Variants in CDC40 observed in about 807,000 individuals in gnomAD.
CDC40 encodes cell division cycle 40.
CDC40 carries 27 observed loss-of-function variants against 80.6 expected under a neutral mutation model. The observed-to-expected ratio is 0.33, with a 90% confidence interval of 0.25 to 0.46. The LOEUF (loss-of-function observed/expected upper bound fraction) is 0.46, where lower values mean the gene tolerates loss of function less well. Ranked by LOEUF, CDC40 falls within the 20% of genes least tolerant of loss-of-function variation. CDC40 has a pLI of 1.00. For missense variants in CDC40, 486 were observed against 694.1 expected (o/e 0.70, Z 3.37); for synonymous variants, 221 against 232.6 (o/e 0.95, Z 0.45).
intron 10 of CDC40, among the ~76,000 whole-genome samples, chr6:110,218,319 T>C (rs1419794349): frequency 6.6e-6 from 1 of 152,240 alleles, no homozygotes; most frequent in Non-Finnish European, 1.5e-5. Flanking sequence ...ACTATCTTAT[T>C]GTCTTACTGT....
chr6:110,202,855 CTAAAA>C (rs1398180290), intron 3 of CDC40, among the ~76,000 whole-genome samples: 2 of 142,504 alleles, frequency 1.4e-5, no homozygotes, highest in Admixed American at 7.1e-5. Flanking sequence ...ATTAGGCAGC[CTAAAA>C]TAAAATAAAG....
rs1265913569 is a variant in CDC40, at chr6:110,231,871, AT to A, written c.*1746del. On this transcript the variant is annotated 3_prime_UTR_variant, in exon 15 of 15. Coordinates refer to ENST00000307731, the MANE Select transcript of CDC40 (RefSeq NM_015891.3). Reference sequence around the variant, plus strand: ...AGAAAAAGAATAAAAGCGGAGATATATTTTTTGACACAGAGGCACCCAAAGA... The same window carrying A: ...AGAAAAAGAATAAAAGCGGAGATATATTTTTGACACAGAGGCACCCAAAGA... 9 of 145,906 alleles carry A rather than the reference AT, an allele frequency of 6.2e-5. No homozygotes were observed. Among genetic ancestry groups the A allele is most frequent in the African/African-American group, 2.3e-4 (9 of 38,822 alleles). 9.0% of individuals were successfully genotyped at this position (145,906 alleles called of 1,614,324 possible).
chr6:110,190,294 G>C (rs1777329011), intron 1 of CDC40, among the ~76,000 whole-genome samples: 1 of 152,192 alleles, frequency 6.6e-6, no homozygotes, highest in Admixed American at 6.5e-5. Context: ...CTACAGCACA[G>C]AAAGCATCAA....
intron 9 of CDC40, among the ~76,000 whole-genome samples, chr6:110,216,393 A>G (rs1289027442): frequency 6.6e-6 from 1 of 152,238 alleles, no homozygotes; most frequent in African/African-American, 2.4e-5. Context: ...GCCTCCCTGC[A>G]CAAATTAATA....
chr6:110,225,278 C>CA lies in CDC40; in HGVS notation c.1341-881dup, dbSNP rs199891255. Among the ~76,000 whole-genome samples the CA allele has an allele frequency of 9.7e-3, 1,465 of 151,622 alleles. 24 individuals carry two copies. The highest frequency in any genetic ancestry group is 0.034 in the African/African-American group (1,405 of 41,398). On this transcript the variant is annotated intron_variant, in intron 12 of 14. Transcript: ENST00000307731. ...ATAATCTGTGTTATTCATCAGATTA[C>CA]AAAAAAAATATTTCTGGTCTCATGA... is the stretch of plus-strand genomic sequence containing the variant.
At chr6:110,209,254 AG>A in intron 5 of CDC40, 31 bp downstream of exon 5, 3 of 1,586,338 alleles carry the variant, frequency 1.9e-6, no homozygotes, top group Middle Eastern at 1.7e-4. Context: ...TTGTCAATTC[AG>A]GTATACGCTG....
intron 2 of CDC40, among the ~76,000 whole-genome samples, chr6:110,194,127 A>G (rs1462402650): frequency 6.6e-6 from 1 of 152,202 alleles, no homozygotes; most frequent in Non-Finnish European, 1.5e-5. Context: ...AAAGTCTTTG[A>G]ATATTATCCA....
chr6:110,223,037 G>A (rs1275552205), intron 12 of CDC40, among the ~76,000 whole-genome samples: 2 of 152,178 alleles, frequency 1.3e-5, no homozygotes, highest in Non-Finnish European at 2.9e-5. Flanking sequence ...TACAGGACAC[G>A]AAAGGGCCAG....
At chr6:110,208,801 C>T (rs1777595684) in intron 4 of CDC40, among the ~76,000 whole-genome samples, 1 of 152,108 alleles carries the variant, frequency 6.6e-6, no homozygotes, top group African/African-American at 2.4e-5. Context: ...TGTAGGAGTA[C>T]ATATTTGGGT....
At chr6:110,211,310 C>A (rs903165158) in intron 6 of CDC40, 1 of 152,080 alleles carries the variant, frequency 6.6e-6, no homozygotes, top group Non-Finnish European at 1.5e-5. Flanking sequence ...CAAAACAAAT[C>A]GTAAGTATTC....
chr6:110,198,542 T>G (rs568918569), intron 2 of CDC40, among the ~76,000 whole-genome samples: 7 of 152,320 alleles, frequency 4.6e-5, no homozygotes, highest in African/African-American at 1.7e-4. Context: ...CAATTTTTAA[T>G]TGAGTTATTT....
chr6:110,207,700 T>A (rs993163348), intron 4 of CDC40, 111 bp downstream of exon 4: 15 of 634,814 alleles, frequency 2.4e-5, no homozygotes, highest in East Asian at 1.1e-4. Flanking sequence ...CTTTTTTTTT[T>A]AAAGTTGAAA....
At chr6:110,219,700 C>T (rs368255938) in intron 11 of CDC40, 36 bp from the exon 12 acceptor site, 42 of 1,607,422 alleles carry the variant, frequency 2.6e-5, no homozygotes, top group Non-Finnish European at 3.5e-5. Context: ...ATCCACTCTA[C>T]TTCTGTCTTT....
intron 8 of CDC40, 133 bp downstream of exon 8, chr6:110,213,293 C>A: frequency 1.6e-6 from 1 of 626,418 alleles, no homozygotes. Flanking sequence ...CCTGTAAATG[C>A]AGCAATTTAT....
chr6:110,214,680 A>G (rs1172093758), intron 8 of CDC40, among the ~76,000 whole-genome samples: 3 of 152,220 alleles, frequency 2.0e-5, no homozygotes, highest in Non-Finnish European at 4.4e-5. Context: ...ATTTTAGAGT[A>G]CTAGCAACAT....
Position 110,227,697 on chromosome 6 carries a change from CA to C in CDC40, c.1418-1133del, listed in dbSNP as rs551681878. 5.0e-3 allele frequency among the ~76,000 whole-genome samples: 767 copies of C among 152,262 alleles called. 11 individuals carry two copies. The highest frequency in any genetic ancestry group is 0.018 in the African/African-American group (746 of 41,564). The stretch of plus-strand genomic sequence containing the variant: ...TAAACAATAAAAAATAACAATACAA[CA>C]ATTAAAAACAACACAGCATAACAAC... On this transcript the variant is annotated intron_variant, in intron 13 of 14. Transcript: ENST00000307731.
At position 110,230,095 on chromosome 6, in the gene CDC40, A is replaced by G; in HGVS notation, c.1704A>G (p.Thr568=). 1 of 1,612,682 alleles carries G rather than the reference A, an allele frequency of 6.2e-7. No homozygotes were observed. Residue 568 remains threonine, a synonymous_variant, in exon 15 of 15, where the codon ACA becomes ACG. Coordinates refer to ENST00000307731, the MANE Select transcript of CDC40 (RefSeq NM_015891.3). The part of the protein sequence containing the change: ...WHPHETSKVI[T]CGWDGLIKLW... ...CTCATGAAACTTCTAAGGTCATAAC[A>G]TGTGGTTGGGATGGTCTCATTAAAT...
rs144761014 is a variant in CDC40, at chr6:110,229,127, G to T, written c.1562+151G>T. The stretch of plus-strand genomic sequence containing the variant: ...AAATTGTCAAAATGCTGGATATAAA[G>T]GCAAGAACAAATTAGGAAAATTACA... On this transcript the variant is annotated intron_variant, in intron 14 of 14. Coordinates refer to ENST00000307731, the MANE Select transcript of CDC40 (RefSeq NM_015891.3). 56 of 749,378 alleles carry T rather than the reference G, an allele frequency of 7.5e-5. No individual in the cohort carries two copies. In the African/African-American group the frequency reaches 8.5e-4, roughly 11 times the overall value. The allele number at this position is 749,378 out of a possible 1,614,324, so 46.4% of individuals were successfully genotyped here.
intron 3 of CDC40, among the ~76,000 whole-genome samples, chr6:110,206,682 C>T (rs1052537902): frequency 6.6e-6 from 1 of 152,142 alleles, no homozygotes; most frequent in Non-Finnish European, 1.5e-5. Context: ...GGAAGACTGT[C>T]CTTACTGCAA....
Sources: gnomAD v4.1 joint callset for allele counts (sites outside exome capture counted in the v4.1 genomes callset) on GRCh38, gnomAD v4.1.1 for gene constraint, MANE v1.5 for transcripts, NCBI Gene and HGNC (gene_info 2026-07-23, HGNC 2026-07-21) for gene names.